The following EFTUD2 variants were observed in gnomAD, a reference collection of about 807,000 sequenced individuals.
EFTUD2 encodes the protein 116 kDa U5 small nuclear ribonucleoprotein component.
A neutral mutation model predicts 114.3 loss-of-function variants in EFTUD2; 9 were observed. That is an observed-to-expected ratio of 0.08 (90% CI 0.05 to 0.14). The LOEUF (loss-of-function observed/expected upper bound fraction) is 0.14. EFTUD2 is among the 10% of genes least tolerant of loss of function. The pLI is 1.00. For missense variants in EFTUD2, 765 were observed against 1,241.2 expected (o/e 0.62, Z 5.76); for synonymous variants, 449 against 462.3 (o/e 0.97, Z 0.37).
chr17:44,889,139 G>A (rs1398804434), intron 2 of EFTUD2, among the ~76,000 whole-genome samples: 3 of 152,184 alleles, frequency 2.0e-5, no homozygotes, highest in Non-Finnish European at 2.9e-5. Context: ...TTTTAAAGAG[G>A]AGGGAATGAT....
intron 20 of EFTUD2, 56 bp from the exon 21 acceptor site, chr17:44,855,060 T>C (rs2050523614): frequency 1.4e-6 from 2 of 1,479,094 alleles, no homozygotes. Flanking sequence ...AGAAGAGGCA[T>C]TACTAAGAAA....
At chr17:44,881,430 CTCCTA>C (rs1597817437) in intron 7 of EFTUD2, among the ~76,000 whole-genome samples, 2 of 138,064 alleles carry the variant, frequency 1.4e-5, no homozygotes, top group East Asian at 4.5e-4. Context: ...CTTAGTACTT[CTCCTA>C]TATTAGGCCA....
intron 11 of EFTUD2, among the ~76,000 whole-genome samples, chr17:44,869,853 A>G (rs938474266): frequency 2.2e-4 from 34 of 152,086 alleles, no homozygotes; most frequent in African/African-American, 8.2e-4. Context: ...CTATCACCTC[A>G]CATTGCCATT....
intron 16 of EFTUD2, among the ~76,000 whole-genome samples, chr17:44,862,315 G>C (rs2050672942): frequency 6.6e-6 from 1 of 152,072 alleles, no homozygotes; most frequent in South Asian, 2.1e-4. Flanking sequence ...TGTGCTTGTA[G>C]TTCCAGCTAC....
In EFTUD2 at chr17:44,881,993, G is replaced by A. The variant is rs541425162; in HGVS notation, c.493-271C>T. 76 of 428,662 alleles carry A rather than the reference G, an allele frequency of 1.8e-4. 1 individual carries two copies. The highest frequency in any genetic ancestry group is 1.3e-3 in the African/African-American group (64 of 49,050). 26.6% of individuals were successfully genotyped at this position (428,662 alleles called of 1,614,324 possible). ...GTAGCCCAGGCTGGAGTGCAATGGC[G>A]CGATCTCAGCTTACTGCAACCTCCT... On this transcript the variant is annotated intron_variant, in intron 6 of 27. Coordinates refer to ENST00000426333, the MANE Select transcript of EFTUD2 (RefSeq NM_004247.4).
Position 44,880,567 on chromosome 17 carries a change from G to T in EFTUD2, c.606C>A (p.Ile202=), listed in dbSNP as rs572633038. Residue 202 remains isoleucine (I), a synonymous_variant, in exon 8 of 28, where the codon ATC becomes ATA. Transcript: ENST00000426333. ...DTKGKSYLFN[I]MDTPGHVNFS... ...AGGATGTCCTACCTGGAGTGTCCATGATATTGAAGAGATAAGATTTTCCTT... is the reference window on the plus strand; with the variant it reads ...AGGATGTCCTACCTGGAGTGTCCATTATATTGAAGAGATAAGATTTTCCTT... The T allele has an allele frequency of 6.2e-7, 1 of 1,613,490 alleles. No homozygotes were observed. Among genetic ancestry groups the T allele is most frequent in the South Asian group, 1.1e-5 (1 of 91,042 alleles).
At chr17:44,872,747 C>T in intron 10 of EFTUD2, 177 bp from the exon 11 acceptor site, 1 of 588,850 alleles carries the variant, frequency 1.7e-6, no homozygotes, top group South Asian at 2.4e-5. Flanking sequence ...GGAGCTGTTC[C>T]CCTAATTCCC....
intron 17 of EFTUD2, 88 bp downstream of exon 17, chr17:44,860,344 G>T (rs949700070): frequency 3.2e-6 from 3 of 945,854 alleles, no homozygotes; most frequent in South Asian, 2.7e-5. Flanking sequence ...ACATGGCAAT[G>T]ACTGTGGATT....
intron 1 of EFTUD2, chr17:44,898,957 C>A (rs2051455247): frequency 6.6e-6 from 1 of 152,210 alleles, no homozygotes; most frequent in African/African-American, 2.4e-5. Flanking sequence ...ACAAAACTAG[C>A]GACTCATGGT....
At chr17:44,855,027 G>C in intron 20 of EFTUD2, 23 bp from the exon 21 acceptor site, 1 of 1,600,578 alleles carries the variant, frequency 6.2e-7, no homozygotes, top group Non-Finnish European at 8.6e-7. Flanking sequence ...GAAATGGGTG[G>C]TAAGGACGGC....
At chr17:44,863,120 T>C (rs1307598619) in intron 15 of EFTUD2, 2 of 435,750 alleles carry the variant, frequency 4.6e-6, no homozygotes, top group East Asian at 3.4e-5. Flanking sequence ...TTTTTTTTTT[T>C]TGGGAGGATA....
At chr17:44,893,179 G>A (rs892089606) in intron 2 of EFTUD2, among the ~76,000 whole-genome samples, 4 of 150,912 alleles carry the variant, frequency 2.7e-5, no homozygotes, top group African/African-American at 9.8e-5. Context: ...CTGGAGTACA[G>A]TGGCACAATC....
intron 16 of EFTUD2, among the ~76,000 whole-genome samples, chr17:44,860,878 T>C (rs542409187): frequency 5.9e-5 from 9 of 152,178 alleles, no homozygotes; most frequent in Non-Finnish European, 1.3e-4. Context: ...GGATTACAGG[T>C]GTGAGCCACC....
chr17:44,871,107 C>T (rs896816922), intron 11 of EFTUD2, among the ~76,000 whole-genome samples: 4 of 151,972 alleles, frequency 2.6e-5, no homozygotes, highest in Admixed American at 6.6e-5. Context: ...GGTGCAATCA[C>T]GGCTCACTGT....
chr17:44,875,268 C>T (rs373598468), intron 10 of EFTUD2, among the ~76,000 whole-genome samples: 3 of 152,086 alleles, frequency 2.0e-5, no homozygotes, highest in Non-Finnish European at 2.9e-5. Flanking sequence ...TGGTGGTTCA[C>T]GCCTGTAATC....
chr17:44,862,901 G>C lies in EFTUD2; in HGVS notation c.1419C>G (p.Pro473=). 1 of 1,607,886 alleles carries C rather than the reference G, an allele frequency of 6.2e-7. No individual in the cohort carries two copies. Among genetic ancestry groups the C allele is most frequent in the Admixed American group, 1.7e-5 (1 of 59,904 alleles). Residue 473 remains proline, a synonymous_variant, in exon 16 of 28, where the codon CCC becomes CCG. Coordinates refer to ENST00000426333, the MANE Select transcript of EFTUD2 (RefSeq NM_004247.4). ...ACATCTTAGTAGTGTGGCACATCAG[G>C]GGGCCCTGGAAGAGGGGACAGGGTG... is the stretch of plus-strand genomic sequence containing the variant. The part of the protein sequence containing the change: ...EAMSDCDPDG[P]LMCHTTKMYS...
intron 4 of EFTUD2, among the ~76,000 whole-genome samples, chr17:44,884,630 C>T (rs752511498): frequency 7.9e-5 from 12 of 152,072 alleles, no homozygotes; most frequent in South Asian, 2.1e-4. Flanking sequence ...TGGTAGCTCA[C>T]GCCTGTAATC....
intron 2 of EFTUD2, among the ~76,000 whole-genome samples, chr17:44,892,861 T>A (rs2051306699): frequency 6.6e-6 from 1 of 151,698 alleles, no homozygotes; most frequent in South Asian, 2.1e-4. Context: ...GGTCTCAAAC[T>A]CCTGGGCTCA....
intron 11 of EFTUD2, among the ~76,000 whole-genome samples, chr17:44,869,049 C>T (rs996293968): frequency 1.3e-5 from 2 of 152,212 alleles, no homozygotes; most frequent in African/African-American, 2.4e-5. Flanking sequence ...AGACTGTCCC[C>T]TCACCTTGTA....
Sources: gnomAD v4.1 joint callset for allele counts (sites outside exome capture counted in the v4.1 genomes callset) on GRCh38, gnomAD v4.1.1 for gene constraint, MANE v1.5 for transcripts, NCBI Gene and HGNC (gene_info 2026-07-23, HGNC 2026-07-21) for gene names.